LRBA: variants seen among roughly 807,000 people sequenced by gnomAD.
The protein encoded by LRBA is LPS responsive beige-like anchor protein, also known as lipopolysaccharide-responsive and beige-like anchor protein.
Under a neutral mutation model 330.0 loss-of-function variants are expected in LRBA, and 176 were observed. That is an observed-to-expected ratio of 0.53 (90% CI 0.47 to 0.60). The LOEUF (loss-of-function observed/expected upper bound fraction) is 0.60. Among genes scored for constraint, LRBA ranks in the 20% least tolerant of loss-of-function variants. LRBA has a pLI of 0.00. For missense variants in LRBA, 3,259 were observed against 3,444.8 expected, an observed-to-expected ratio of 0.95 and a Z score of 1.35; for synonymous variants, 1,230 against 1,193.0, an observed-to-expected ratio of 1.03 and a Z score of -0.64.
chr4:150,865,715 TTC>T (rs899983828), intron 22 of LRBA, among the ~76,000 whole-genome samples: 2 of 147,532 alleles, frequency 1.4e-5, no homozygotes, highest in African/African-American at 5.3e-5. Context: ...GGGCAATATA[TTC>T]TTTTTTTTTT....
chr4:150,426,262 T>A (rs988378140), intron 46 of LRBA, among the ~76,000 whole-genome samples: 2 of 151,934 alleles, frequency 1.3e-5, no homozygotes, highest in Non-Finnish European at 1.5e-5. Context: ...TTTTCAAAAT[T>A]GGAAAAGAAA....
chr4:150,692,821 A>T (rs1484900530), intron 36 of LRBA, among the ~76,000 whole-genome samples: 2 of 152,234 alleles, frequency 1.3e-5, no homozygotes, highest in African/African-American at 4.8e-5. Flanking sequence ...TGAATAATAA[A>T]GAACAATTCT....
At chr4:150,437,507 C>CTATATA (rs970503405) in intron 44 of LRBA, among the ~76,000 whole-genome samples, 1 of 137,512 alleles carries the variant, frequency 7.3e-6, no homozygotes, top group African/African-American at 2.5e-5. Flanking sequence ...CTCTCTCTCT[C>CTATATA]TATATATATA....
chr4:150,793,009 G>T (rs1163367382), intron 34 of LRBA, among the ~76,000 whole-genome samples: 2 of 152,080 alleles, frequency 1.3e-5, no homozygotes, highest in Non-Finnish European at 2.9e-5. Flanking sequence ...GAACCCAGGA[G>T]GCGGAGGTTG....
intron 47 of LRBA, among the ~76,000 whole-genome samples, chr4:150,353,710 A>G (rs1181310037): frequency 3.9e-5 from 6 of 152,190 alleles, no homozygotes; most frequent in African/African-American, 1.4e-4. Context: ...GATCACCACA[A>G]TGCCATGGTT....
At chr4:150,305,158 G>A (rs893589013) in intron 52 of LRBA, among the ~76,000 whole-genome samples, 1 of 152,156 alleles carries the variant, frequency 6.6e-6, no homozygotes, top group Admixed American at 6.5e-5. Context: ...TGTTCTTAGT[G>A]CAGTAGGAGG....
intron 37 of LRBA, among the ~76,000 whole-genome samples, chr4:150,675,610 C>T (rs1782459549): frequency 6.6e-6 from 1 of 151,948 alleles, no homozygotes; most frequent in Non-Finnish European, 1.5e-5. Context: ...CCCAGCTACT[C>T]ATGAGGCTGA....
chr4:150,814,718 A>C (rs1744299496), intron 31 of LRBA, among the ~76,000 whole-genome samples: 1 of 152,044 alleles, frequency 6.6e-6, no homozygotes, highest in Admixed American at 6.6e-5. Context: ...CTATTTGAGA[A>C]ACTCCATCAC....
chr4:150,643,533 A>G (rs1561462900), intron 37 of LRBA, among the ~76,000 whole-genome samples: 1 of 151,916 alleles, frequency 6.6e-6, no homozygotes, highest in Non-Finnish European at 1.5e-5. Context: ...AAAATGCTGC[A>G]TGCATGAAGA....
intron 37 of LRBA, among the ~76,000 whole-genome samples, chr4:150,611,155 G>A (rs536424333): frequency 3.9e-5 from 6 of 152,248 alleles, no homozygotes; most frequent in Admixed American, 2.6e-4. Flanking sequence ...TAGGGAGGCA[G>A]GACCTCACTC....
At chr4:150,427,348 C>T (rs1479210460) in intron 46 of LRBA, among the ~76,000 whole-genome samples, 1 of 151,932 alleles carries the variant, frequency 6.6e-6, no homozygotes, top group East Asian at 1.9e-4. Context: ...TAATTTTTAT[C>T]AATGAGCAAA....
Position 150,559,904 on chromosome 4 carries a change from ATTATATATAAT to A in LRBA, c.6330+28133_6330+28143del, listed in dbSNP as rs1561352736. Among the ~76,000 whole-genome samples, 380 of 67,736 alleles carry A rather than the reference ATTATATATAAT, an allele frequency of 5.6e-3. 13 individuals are homozygous for A. In the Admixed American group the frequency reaches 0.062, roughly 11 times the overall value. The allele number at this position is 67,736 out of a possible 152,430, so 44.4% of individuals were successfully genotyped here. A position where few individuals can be genotyped will look rare whatever the true frequency, so the allele number is the denominator to read the frequency against. On this transcript the variant is annotated intron_variant, in intron 40 of 56. Coordinates refer to ENST00000651943, the MANE Select transcript of LRBA (RefSeq NM_001364905.1). ...ATATAATTATATATAATTATATATA[ATTATATATAAT>A]ATATAAATATAAATATATATATATC... is the stretch of plus-strand genomic sequence containing the variant.
At chr4:150,461,630 C>T (rs1222490679) in intron 44 of LRBA, among the ~76,000 whole-genome samples, 1 of 151,646 alleles carries the variant, frequency 6.6e-6, no homozygotes, top group Non-Finnish European at 1.5e-5. Flanking sequence ...AAATGCCTGG[C>T]ATATAGTAAA....
chr4:150,298,768 C>T (rs1729284092), intron 53 of LRBA, among the ~76,000 whole-genome samples: 1 of 151,810 alleles, frequency 6.6e-6, no homozygotes, highest in Non-Finnish European at 1.5e-5. Context: ...AAAAAAAATG[C>T]CACCTTTCAA....
At chr4:150,271,310 G>A (rs940230795) in intron 56 of LRBA, among the ~76,000 whole-genome samples, 6 of 143,118 alleles carry the variant, frequency 4.2e-5, no homozygotes, top group Non-Finnish European at 9.3e-5. Flanking sequence ...GCTAGCTGCA[G>A]GAGTTTTTTT....
At chr4:150,938,729 A>T (rs1305958174) in intron 2 of LRBA, among the ~76,000 whole-genome samples, 1 of 152,182 alleles carries the variant, frequency 6.6e-6, no homozygotes, top group African/African-American at 2.4e-5. Flanking sequence ...TGTTGAAGAT[A>T]AAAGAGCAAA....
chr4:150,893,034 T>G lies in LRBA; in HGVS notation c.2165+18A>C, dbSNP rs767907233. 6.7e-7 allele frequency: 1 copy of G among 1,482,512 alleles called. No homozygotes were observed. Among genetic ancestry groups the G allele is most frequent in the South Asian group, 1.2e-5 (1 of 83,116 alleles). The allele number at this position is 1,482,512 out of a possible 1,614,324, so 91.8% of individuals were successfully genotyped here. A position where few individuals can be genotyped will look rare whatever the true frequency, so the allele number is the denominator to read the frequency against. The stretch of plus-strand genomic sequence containing the variant: ...TTCCAAACTAATCCCTTATATGAAA[T>G]AGATTAAAAACTCTTACCGTAACCC... On this transcript the variant is annotated intron_variant, in intron 17 of 56. Transcript: ENST00000651943.
At chr4:151,014,897 G>A (rs1745252904) in intron 1 of LRBA, 36 bp from the exon 2 acceptor site, 1 of 434,938 alleles carries the variant, frequency 2.3e-6, no homozygotes, top group Non-Finnish European at 4.1e-6. Flanking sequence ...AATAGGCTAG[G>A]TTTTGTTTTA....
At chr4:150,666,204 A>T (rs1355863183) in intron 37 of LRBA, among the ~76,000 whole-genome samples, 1 of 152,196 alleles carries the variant, frequency 6.6e-6, no homozygotes, top group East Asian at 1.9e-4. Flanking sequence ...CAGACTGAAA[A>T]TATTCATATA....
Sources: gnomAD v4.1 joint callset for allele counts (sites outside exome capture counted in the v4.1 genomes callset) on GRCh38, gnomAD v4.1.1 for gene constraint, MANE v1.5 for transcripts, NCBI Gene and HGNC (gene_info 2026-07-23, HGNC 2026-07-21) for gene names.